The following CDKN2B-AS1 variants were observed in gnomAD, a reference collection of about 807,000 sequenced individuals.
The protein encoded by CDKN2B-AS1 is CDKN2B antisense RNA 1 (non-protein coding).
intron 4 of CDKN2B-AS1, among the ~76,000 whole-genome samples, chr9:22,059,892 C>A (rs761675512): frequency 5.3e-5 from 8 of 152,362 alleles, no homozygotes; most frequent in South Asian, 2.1e-4. Context: ...TCTGAAGCCA[C>A]AGCCTGAGCT....
At chr9:22,074,382 G>A (rs1189961260) in intron 4 of CDKN2B-AS1, among the ~76,000 whole-genome samples, 1 of 152,092 alleles carries the variant, frequency 6.6e-6, no homozygotes, top group Non-Finnish European at 1.5e-5. Flanking sequence ...TGCAGGACTT[G>A]GTTTAAGGGG....
At chr9:22,116,434 C>G (rs1825951238) in intron 4 of CDKN2B-AS1, among the ~76,000 whole-genome samples, 1 of 152,106 alleles carries the variant, frequency 6.6e-6, no homozygotes, top group African/African-American at 2.4e-5. Context: ...AATGTACATA[C>G]AAACTAGTAA....
chr9:22,109,677 G>A lies in CDKN2B-AS1; in HGVS notation n.439-17426G>A, dbSNP rs150342841. 1.3e-3 allele frequency among the ~76,000 whole-genome samples: 204 copies of A among 152,254 alleles called. 2 individuals are homozygous for A. The highest frequency in any genetic ancestry group is 4.7e-3 in the African/African-American group (196 of 41,538). On this transcript the variant is annotated intron_variant and non_coding_transcript_variant, in intron 4 of 4. Coordinates refer to ENST00000650946, the Ensembl canonical transcript of CDKN2B-AS1. ...AGTTCTCTGAAATTACATATGAGATGTCATCTGCCATTTAGTATTAGCTGT... is the reference window on the plus strand; with the variant it reads ...AGTTCTCTGAAATTACATATGAGATATCATCTGCCATTTAGTATTAGCTGT...
intron 4 of CDKN2B-AS1, among the ~76,000 whole-genome samples, chr9:22,072,644 A>C (rs1824342826): frequency 6.6e-6 from 1 of 152,240 alleles, no homozygotes; most frequent in African/African-American, 2.4e-5. Flanking sequence ...TAGATGATAT[A>C]GTCTCAGTCA....
intron 4 of CDKN2B-AS1, among the ~76,000 whole-genome samples, chr9:22,099,055 T>C (rs1437785989): frequency 6.6e-6 from 1 of 152,152 alleles, no homozygotes; most frequent in African/African-American, 2.4e-5. Flanking sequence ...AGAAAGGACA[T>C]TTAATTGAAC....
intron 4 of CDKN2B-AS1, among the ~76,000 whole-genome samples, chr9:22,114,470 G>C (rs10733376): frequency 0.64 from 97,325 of 152,106 alleles, 33,238 homozygotes; most frequent in African/African-American, 0.9. Flanking sequence ...GGCAGACTGT[G>C]TGGCTACTAT....
chr9:22,048,446 A>G (rs2131276756), intron 2 of CDKN2B-AS1, among the ~76,000 whole-genome samples: 1 of 152,256 alleles, frequency 6.6e-6, no homozygotes, highest in Non-Finnish European at 1.5e-5. Flanking sequence ...TGCATGGAAG[A>G]GGCTGTTCAT....
At chr9:22,015,226 A>G (rs914203895) in intron 1 of CDKN2B-AS1, among the ~76,000 whole-genome samples, 1 of 152,224 alleles carries the variant, frequency 6.6e-6, no homozygotes, top group Non-Finnish European at 1.5e-5. Flanking sequence ...AGTCCCACCA[A>G]CAGTGTAAAA....
In CDKN2B-AS1 at chr9:22,045,221, T is replaced by A. The variant is rs2131271155; in HGVS notation, n.30-1530T>A. 1.3e-5 allele frequency among the ~76,000 whole-genome samples: 2 copies of A among 152,092 alleles called. 1 individual carries two copies. Among genetic ancestry groups the A allele is most frequent in the South Asian group, 4.1e-4 (2 of 4,820 alleles). On this transcript the variant is annotated intron_variant and non_coding_transcript_variant, in intron 1 of 4. Coordinates refer to ENST00000650946, the Ensembl canonical transcript of CDKN2B-AS1. ...AAAATGAATTGCTTGTATTCTAACATAGAATAGCTACTACCTGTTGAGTGT... is the reference window on the plus strand; with the variant it reads ...AAAATGAATTGCTTGTATTCTAACAAAGAATAGCTACTACCTGTTGAGTGT...
At chr9:22,012,468 C>A in intron 1 of CDKN2B-AS1, 1 of 700,456 alleles carries the variant, frequency 1.4e-6, no homozygotes, top group Non-Finnish European at 2.7e-6. Flanking sequence ...CTCCTGCACC[C>A]CTATGCTGTC....
At chr9:22,059,934 C>A (rs1823744105) in intron 4 of CDKN2B-AS1, among the ~76,000 whole-genome samples, 1 of 152,222 alleles carries the variant, frequency 6.6e-6, no homozygotes, top group Non-Finnish European at 1.5e-5. Context: ...ACAGCTGGAG[C>A]AGCTGGGACA....
intron 1 of CDKN2B-AS1, chr9:22,029,423 T>C: frequency 2.6e-6 from 2 of 779,518 alleles, no homozygotes; most frequent in East Asian, 2.4e-5. Context: ...ATTTTTTGGA[T>C]GTTTTGCAGG....
At chr9:22,010,946 G>T (rs1217876072) in intron 1 of CDKN2B-AS1, among the ~76,000 whole-genome samples, 1 of 152,186 alleles carries the variant, frequency 6.6e-6, no homozygotes, top group South Asian at 2.1e-4. Context: ...TTCTTTGAGG[G>T]GGACATAAAG....
intron 4 of CDKN2B-AS1, among the ~76,000 whole-genome samples, chr9:22,126,518 T>A (rs1818026364): frequency 6.6e-6 from 1 of 150,924 alleles, no homozygotes; most frequent in South Asian, 2.1e-4. Context: ...AGAGGTGAAC[T>A]AAGCTTTTCC....
At chr9:22,097,486 T>C (rs1825323694) in intron 4 of CDKN2B-AS1, 1 of 152,234 alleles carries the variant, frequency 6.6e-6, no homozygotes. Context: ...TTTGTGCTTA[T>C]AACTTCATCA....
chr9:22,027,665 T>C (rs1412325311), intron 1 of CDKN2B-AS1, among the ~76,000 whole-genome samples: 6 of 152,224 alleles, frequency 3.9e-5, no homozygotes, highest in African/African-American at 1.2e-4. Flanking sequence ...CAAATATTTA[T>C]TGAGTGTCTG....
At chr9:22,020,722 G>A (rs566242232) in intron 1 of CDKN2B-AS1, among the ~76,000 whole-genome samples, 141 of 151,986 alleles carry the variant, frequency 9.3e-4, no homozygotes, top group African/African-American at 3.1e-3. Context: ...TTTTTTAATA[G>A]GGGTGTTTTA....
At chr9:22,029,738 C>A (rs1357129778) in intron 1 of CDKN2B-AS1, 3 of 405,418 alleles carry the variant, frequency 7.4e-6, no homozygotes, top group Non-Finnish European at 1.3e-5. Flanking sequence ...TTATAACTTT[C>A]CATTTTCATG....
At chr9:22,072,750 T>C (rs1824347234) in intron 4 of CDKN2B-AS1, among the ~76,000 whole-genome samples, 1 of 152,212 alleles carries the variant, frequency 6.6e-6, no homozygotes, top group Non-Finnish European at 1.5e-5. Flanking sequence ...TGATGTACAG[T>C]GTGAAGATGC....
Sources: gnomAD v4.1 joint callset for allele counts (sites outside exome capture counted in the v4.1 genomes callset) on GRCh38, gnomAD v4.1.1 for gene constraint, MANE v1.5 for transcripts, NCBI Gene and HGNC (gene_info 2026-07-23, HGNC 2026-07-21) for gene names.